The following ATXN3 variants were observed in gnomAD, a reference collection of about 807,000 sequenced individuals.
ATXN3 encodes the protein ataxin-3.
ATXN3 carries 28 observed loss-of-function variants against 58.2 expected under a neutral mutation model. The observed-to-expected ratio is 0.48, with a 90% CI of 0.36 to 0.66. ATXN3 has a LOEUF of 0.66. Ranked by LOEUF, ATXN3 falls within the 30% of genes least tolerant of loss-of-function variation. The pLI is 0.00. For missense variants in ATXN3, 321 were observed against 422.1 expected (o/e 0.76, Z 2.10); for synonymous variants, 113 against 138.5 (o/e 0.82, Z 1.29).
At chr14:92,068,363 G>C (rs1035886279) in intron 10 of ATXN3, among the ~76,000 whole-genome samples, 1 of 152,208 alleles carries the variant, frequency 6.6e-6, no homozygotes, top group Admixed American at 6.5e-5. Flanking sequence ...CTGGAGTCAA[G>C]TGCTTATTAT....
chr14:92,083,748 A>G (rs542858618), intron 6 of ATXN3, among the ~76,000 whole-genome samples: 1 of 152,168 alleles, frequency 6.6e-6, no homozygotes, highest in African/African-American at 2.4e-5. Context: ...GCTACAAATT[A>G]TTGTTTCTGG....
intron 2 of ATXN3, 105 bp downstream of exon 2, chr14:92,096,569 A>G (rs2065291916): frequency 1.7e-6 from 2 of 1,177,824 alleles, no homozygotes; most frequent in Non-Finnish European, 2.4e-6. Flanking sequence ...GGTTGCAGTG[A>G]GCCGAGATCG....
chr14:92,101,684 C>T (rs962845298), intron 1 of ATXN3, among the ~76,000 whole-genome samples: 1 of 152,006 alleles, frequency 6.6e-6, no homozygotes, highest in Non-Finnish European at 1.5e-5. Context: ...ATGGTGAAAC[C>T]CCGCCTCTAC....
Position 92,093,737 on chromosome 14 carries a change from G to C in ATXN3, c.320+9C>G. 1.9e-6 allele frequency: 3 copies of C among 1,564,856 alleles called. No individual in the cohort carries two copies. The highest frequency in any genetic ancestry group is 2.6e-6 in the Non-Finnish European group (3 of 1,149,958). Reference sequence around the variant, plus strand: ...AAAGAAATGTATGAAATGCAAAACAGAATCTTACATAGGATCGATCCTGAG... The same window carrying C: ...AAAGAAATGTATGAAATGCAAAACACAATCTTACATAGGATCGATCCTGAG... On this transcript the variant is annotated intron_variant, in intron 4 of 10. Transcript: ENST00000644486.
At chr14:92,098,694 T>C (rs2065984057) in intron 1 of ATXN3, among the ~76,000 whole-genome samples, 1 of 152,228 alleles carries the variant, frequency 6.6e-6, no homozygotes, top group Admixed American at 6.5e-5. Flanking sequence ...ATGTTAAAAC[T>C]TGCAGTTACA....
At chr14:92,097,131 G>C (rs536830767) in intron 1 of ATXN3, among the ~76,000 whole-genome samples, 33 of 151,930 alleles carry the variant, frequency 2.2e-4, no homozygotes, top group Middle Eastern at 3.4e-3. Flanking sequence ...GGATGGTCTT[G>C]ATCTCCTGAC....
intron 10 of ATXN3, among the ~76,000 whole-genome samples, chr14:92,064,895 C>T (rs1335092949): frequency 6.6e-6 from 1 of 152,132 alleles, no homozygotes; most frequent in East Asian, 1.9e-4. Flanking sequence ...AGAGAGGTTT[C>T]GTGTACTCTT....
chr14:92,100,459 C>T (rs2402109), intron 1 of ATXN3, among the ~76,000 whole-genome samples: 12,728 of 151,762 alleles, frequency 0.084, 548 homozygotes, highest in African/African-American at 0.092. Flanking sequence ...GCTGGGATCA[C>T]AGTAGAATGG....
chr14:92,078,448 G>A lies in ATXN3; in HGVS notation c.872+2517C>T, dbSNP rs1295396111. ...CACGATCTCGGCTCACCGCAACCTC[G>A]CCTCCCGGGTTCAAGTGATTCTCCT... On this transcript the variant is annotated intron_variant, in intron 9 of 10. Coordinates refer to ENST00000644486, the MANE Select transcript of ATXN3 (RefSeq NM_004993.6). 5.9e-5 allele frequency among the ~76,000 whole-genome samples: 9 copies of A among 151,686 alleles called. No homozygotes were observed. In the South Asian group the frequency reaches 1.3e-3, roughly 21 times the overall value.
At position 92,061,477 on chromosome 14, in the gene ATXN3, A is replaced by C. The variant is rs960286246; in HGVS notation, c.*2843T>G. ...TAAATCCATGACATCTGAAAATATG[A>C]AAGTGGTATTTCCAAGGCTTAAACT... On this transcript the variant is annotated 3_prime_UTR_variant, in exon 11 of 11. Coordinates refer to ENST00000644486, the MANE Select transcript of ATXN3 (RefSeq NM_004993.6). 6.6e-6 allele frequency: 1 copy of C among 152,226 alleles called. No individual in the cohort carries two copies. The highest frequency in any genetic ancestry group is 1.5e-5 in the Non-Finnish European group (1 of 68,038). The allele number at this position is 152,226 out of a possible 1,614,324, so 9.4% of individuals were successfully genotyped here.
At chr14:92,093,073 T>A (rs893866804) in intron 5 of ATXN3, among the ~76,000 whole-genome samples, 179 bp downstream of exon 5, 20 of 150,604 alleles carry the variant, frequency 1.3e-4, no homozygotes, top group African/African-American at 4.4e-4. Flanking sequence ...TTTTATTTTT[T>A]TTTTAAGAGA....
downstream of ATXN3, among the ~76,000 whole-genome samples, chr14:92,056,654 A>C (rs534102424): frequency 4.6e-5 from 7 of 152,292 alleles, no homozygotes; most frequent in African/African-American, 1.4e-4. Flanking sequence ...TCTCTACCCT[A>C]ATACAAGAGA....
At chr14:92,103,374 TTAGA>T (rs2141321827) in intron 1 of ATXN3, among the ~76,000 whole-genome samples, 1 of 152,340 alleles carries the variant, frequency 6.6e-6, no homozygotes, top group African/African-American at 2.4e-5. Context: ...CTTGTTTACT[TTAGA>T]TAAACAGCAC....
intron 10 of ATXN3, among the ~76,000 whole-genome samples, chr14:92,066,875 T>G (rs1341013984): frequency 6.6e-6 from 1 of 152,004 alleles, no homozygotes; most frequent in Non-Finnish European, 1.5e-5. Context: ...GTTCAAGCGA[T>G]TCCCCTGCCT....
intron 9 of ATXN3, among the ~76,000 whole-genome samples, chr14:92,079,779 C>A (rs1194908477): frequency 3.3e-5 from 5 of 152,172 alleles, no homozygotes; most frequent in African/African-American, 1.2e-4. Flanking sequence ...CTCTTGTCCC[C>A]CAGGCTGGAG....
intron 3 of ATXN3, 84 bp downstream of exon 3, chr14:92,096,009 C>T (rs576015686): frequency 3.4e-5 from 37 of 1,100,780 alleles, no homozygotes; most frequent in African/African-American, 2.2e-4. Flanking sequence ...TTCCGAAGGT[C>T]GCCTTGTTAC....
chr14:92,101,795 T>G (rs1036247300), intron 1 of ATXN3, among the ~76,000 whole-genome samples: 8 of 152,002 alleles, frequency 5.3e-5, no homozygotes, highest in South Asian at 2.1e-4. Flanking sequence ...GAGGCGGAGG[T>G]TGCAGTGAGC....
chr14:92,077,848 T>C (rs2060700929), intron 9 of ATXN3, among the ~76,000 whole-genome samples: 2 of 152,086 alleles, frequency 1.3e-5, no homozygotes, highest in Non-Finnish European at 2.9e-5. Context: ...GCTTTCGCCA[T>C]GTTGGCCAGG....
intron 5 of ATXN3, chr14:92,090,570 C>T (rs116899751): frequency 5.3e-5 from 8 of 152,062 alleles, no homozygotes; most frequent in South Asian, 2.1e-4. Flanking sequence ...ACAGGGACCT[C>T]GAGAGACAGA....
Sources: allele counts gnomAD v4.1 joint callset (sites outside exome capture counted in the v4.1 genomes callset), GRCh38; gene constraint gnomAD v4.1.1; transcripts MANE v1.5; gene names NCBI Gene and HGNC (gene_info 2026-07-23, HGNC 2026-07-21).